Variants in KCTD20 observed in about 807,000 individuals in gnomAD.
KCTD20 encodes the protein BTB/POZ domain-containing protein KCTD20.
In KCTD20, 30 loss-of-function variants were observed where a neutral mutation model predicts 39.6. The observed-to-expected ratio is 0.76, with a 90% CI of 0.57 to 1.03. The LOEUF (loss-of-function observed/expected upper bound fraction) is 1.03, where lower values mean the gene tolerates loss of function less well. Among genes scored for constraint, KCTD20 ranks in the 50% least tolerant of loss-of-function variants. The pLI, the probability that KCTD20 is intolerant of heterozygous loss-of-function variation, is 0.00. For synonymous variants in KCTD20, 162 were observed against 180.6 expected (o/e 0.90, Z 0.83); for missense variants, 422 against 522.0 (o/e 0.81, Z 1.87).
chr6:36,475,749 T>TA (rs75494594), intron 3 of KCTD20, among the ~76,000 whole-genome samples: 15,745 of 135,098 alleles, frequency 0.12, 977 homozygotes, highest in Admixed American at 0.23. Context: ...GCTCCCTTTT[T>TA]AAAAAAAAAA....
In KCTD20 at chr6:36,458,541, CAAAAAAAAA is replaced by C. The variant is rs1174858102; in HGVS notation, c.-46-11500_-46-11492del. On this transcript the variant is annotated intron_variant, in intron 1 of 7. Coordinates refer to ENST00000373731, the MANE Select transcript of KCTD20 (RefSeq NM_173562.5). ...GGGCAACAAGAGCAAAACTCCATCT[CAAAAAAAAA>C]AAAAAAAAAAGAAAAGAAAGAAAGG... 2.1e-4 allele frequency among the ~76,000 whole-genome samples: 14 copies of C among 66,882 alleles called. 1 individual carries two copies. The East Asian group carries it at 3.4e-3, about 16-fold the overall frequency. 43.9% of individuals were successfully genotyped at this position (66,882 alleles called of 152,430 possible). A position where few individuals can be genotyped will look rare whatever the true frequency, so the allele number is the denominator to read the frequency against.
rs187811775 is a variant in KCTD20 at position 36,455,175 on chromosome 6, A to T, written c.-47+12064A>T. On this transcript the variant is annotated intron_variant, in intron 1 of 7. Transcript: ENST00000373731. ...GTAATCCCAGCACTTTGGGAGGCTG[A>T]GGTGGGCGGATCACCTGAGGTCAGG... Among the ~76,000 whole-genome samples, 189 of 151,644 alleles carry T rather than the reference A, an allele frequency of 1.2e-3. 1 individual carries two copies. The highest frequency in any genetic ancestry group is 4.0e-3 in the African/African-American group (167 of 41,400).
chr6:36,467,557 C>T (rs897551585), intron 1 of KCTD20, among the ~76,000 whole-genome samples: 7 of 151,046 alleles, frequency 4.6e-5, no homozygotes, highest in African/African-American at 7.3e-5. Flanking sequence ...AGGATGGTCT[C>T]GATCTCCTGA....
In KCTD20 at chr6:36,479,718, A is replaced by T; in HGVS notation, c.658+7A>T. The T allele has an allele frequency of 6.3e-7, 1 of 1,595,520 alleles. No homozygotes were observed. Among genetic ancestry groups the T allele is most frequent in the Non-Finnish European group, 8.5e-7 (1 of 1,173,256 alleles). ...ATCCGATGTCAAGATCTGAGTAAGTACAGGAGCAGGTGCCAGCTGCACTTA... is the reference window on the plus strand; with the variant it reads ...ATCCGATGTCAAGATCTGAGTAAGTTCAGGAGCAGGTGCCAGCTGCACTTA... On this transcript the variant is annotated splice_region_variant and intron_variant, in intron 5 of 7. Transcript: ENST00000373731.
intron 1 of KCTD20, among the ~76,000 whole-genome samples, chr6:36,452,025 G>C (rs1042796210): frequency 6.6e-6 from 1 of 151,548 alleles, no homozygotes; most frequent in Non-Finnish European, 1.5e-5. Context: ...TGACCGGGCT[G>C]GTCTCAAACT....
At chr6:36,465,523 T>A (rs1223588745) in intron 1 of KCTD20, 1 of 57,710 alleles carries the variant, frequency 1.7e-5, no homozygotes, top group Non-Finnish European at 3.3e-5. Context: ...AATATATAAA[T>A]TTATTATCTA....
chr6:36,472,894 T>C (rs1775951988), intron 2 of KCTD20, among the ~76,000 whole-genome samples: 1 of 139,556 alleles, frequency 7.2e-6, no homozygotes, highest in Non-Finnish European at 1.5e-5. Context: ...ATTTTACATA[T>C]ATATATAATT....
intron 7 of KCTD20, among the ~76,000 whole-genome samples, 180 bp from the exon 8 acceptor site, chr6:36,486,703 G>C (rs1366079008): frequency 2.6e-5 from 4 of 152,188 alleles, no homozygotes; most frequent in African/African-American, 7.2e-5. Context: ...ATCTGACCAG[G>C]AAGGAAATGA....
In KCTD20 at chr6:36,443,038, C is replaced by T. The variant is rs1445626540; in HGVS notation, c.-120C>T. 6 of 151,336 alleles carry T rather than the reference C, an allele frequency of 4.0e-5. No homozygotes were observed. Among genetic ancestry groups the T allele is most frequent in the Non-Finnish European group, 7.4e-5 (5 of 67,802 alleles). 9.4% of individuals were successfully genotyped at this position (151,336 alleles called of 1,614,324 possible). On this transcript the variant is annotated 5_prime_UTR_variant, in exon 1 of 8. Transcript: ENST00000373731. ...GCACAGCCGGTCCCGGCTGCGGCTTCTGGCTGCGCGGCCTGCGCGCGCCTC... is the reference window on the plus strand; with the variant it reads ...GCACAGCCGGTCCCGGCTGCGGCTTTTGGCTGCGCGGCCTGCGCGCGCCTC...
intron 1 of KCTD20, among the ~76,000 whole-genome samples, chr6:36,455,158 A>G (rs1775394077): frequency 6.6e-6 from 1 of 151,808 alleles, no homozygotes; most frequent in African/African-American, 2.4e-5. Flanking sequence ...CTGTAATCCC[A>G]GCACTTTGGG....
At chr6:36,482,203 C>A (rs1776271175) in intron 6 of KCTD20, among the ~76,000 whole-genome samples, 1 of 152,198 alleles carries the variant, frequency 6.6e-6, no homozygotes, top group African/African-American at 2.4e-5. Flanking sequence ...GTTTTCTCCT[C>A]CTTTTTCAAA....
rs1776456645 is a variant in KCTD20, at chr6:36,487,271, C to T, written c.*96C>T. 6 of 1,219,498 alleles carry T rather than the reference C, an allele frequency of 4.9e-6. No individual in the cohort carries two copies. In the South Asian group the frequency reaches 8.6e-5, roughly 17 times the overall value. 75.5% of individuals were successfully genotyped at this position (1,219,498 alleles called of 1,614,324 possible). On this transcript the variant is annotated 3_prime_UTR_variant, in exon 8 of 8. Coordinates refer to ENST00000373731, the MANE Select transcript of KCTD20 (RefSeq NM_173562.5). ...GATTTGTCTCACCTTGAGTAGGAGA[C>T]ATGCTTCTCCCCTAACCTTTTCCTT...
At chr6:36,454,374 C>T (rs905566497) in intron 1 of KCTD20, among the ~76,000 whole-genome samples, 3 of 150,754 alleles carry the variant, frequency 2.0e-5, no homozygotes, top group Non-Finnish European at 2.9e-5. Flanking sequence ...TGGAGTCTCG[C>T]TCTGTCGCCC....
chr6:36,461,658 T>G (rs1176828286), intron 1 of KCTD20, among the ~76,000 whole-genome samples: 1 of 152,158 alleles, frequency 6.6e-6, no homozygotes, highest in Non-Finnish European at 1.5e-5. Context: ...CAACGTTAAG[T>G]TATATTGACA....
At chr6:36,483,179 C>T (rs1040093597) in intron 6 of KCTD20, among the ~76,000 whole-genome samples, 6 of 150,670 alleles carry the variant, frequency 4.0e-5, no homozygotes, top group Admixed American at 6.6e-5. Flanking sequence ...AAATTATCCT[C>T]CATAAAATTT....
At chr6:36,447,029 G>A (rs1001114759) in intron 1 of KCTD20, among the ~76,000 whole-genome samples, 5 of 152,206 alleles carry the variant, frequency 3.3e-5, no homozygotes, top group South Asian at 2.1e-4. Flanking sequence ...GGCTGAGCCT[G>A]TAGTAAAGTA....
intron 2 of KCTD20, among the ~76,000 whole-genome samples, chr6:36,471,871 C>T (rs1232698882): frequency 1.4e-4 from 20 of 146,086 alleles, no homozygotes; most frequent in Admixed American, 8.3e-4. Context: ...TTTTTTTAGA[C>T]GGAGCCTCGC....
At position 36,481,646 on chromosome 6, in the gene KCTD20, T is replaced by TACCA. The variant is rs771063060; in HGVS notation, c.743_744insACCA (p.Gly249ProfsTer19). Reference sequence around the variant, plus strand: ...GAAGAGCTCATCTTGCCCATCATGGTGGGCTGTGCCAAGAAAGGAGAACGA... The same window carrying TACCA: ...GAAGAGCTCATCTTGCCCATCATGGTACCAGGGCTGTGCCAAGAAAGGAGAACGA... On this transcript the variant is annotated frameshift_variant, in exon 6 of 8. Coordinates refer to ENST00000373731, the MANE Select transcript of KCTD20 (RefSeq NM_173562.5). LOFTEE classifies it high-confidence loss of function. The TACCA allele has an allele frequency of 6.2e-7, 1 of 1,614,214 alleles. No homozygotes were observed.
At chr6:36,443,245 G>A (rs1774928418) in intron 1 of KCTD20, 134 bp downstream of exon 1, 1 of 152,694 alleles carries the variant, frequency 6.5e-6, no homozygotes, top group African/African-American at 2.4e-5. Context: ...GGACCCCCGA[G>A]TCGAAAGGCC....
Sources: allele counts gnomAD v4.1 joint callset (sites outside exome capture counted in the v4.1 genomes callset), GRCh38; gene constraint gnomAD v4.1.1; transcripts MANE v1.5; gene names NCBI Gene and HGNC (gene_info 2026-07-23, HGNC 2026-07-21).